CTNNA3: variants seen among roughly 807,000 people sequenced by gnomAD.
CTNNA3 encodes catenin alpha-3.
In CTNNA3, 76 loss-of-function variants were observed where a neutral mutation model predicts 95.7. That is an observed-to-expected ratio of 0.79 (90% CI 0.66 to 0.96). CTNNA3 has a LOEUF of 0.96. Among genes scored for constraint, CTNNA3 ranks in the 40% least tolerant of loss-of-function variants. The pLI, the probability that CTNNA3 is intolerant of heterozygous loss-of-function variation, is 0.00. For missense variants in CTNNA3, 1,191 were observed against 1,089.8 expected, an observed-to-expected ratio of 1.09 and a Z score of -1.31; for synonymous variants, 431 against 374.4, an observed-to-expected ratio of 1.15 and a Z score of -1.74.
At chr10:66,063,304 C>A (rs879719573) in intron 15 of CTNNA3, among the ~76,000 whole-genome samples, 19 of 129,300 alleles carry the variant, frequency 1.5e-4, no homozygotes, top group African/African-American at 4.1e-4. Context: ...AAATCTCTCT[C>A]TCTATATATA....
At chr10:66,777,226 A>G (rs1840337400) in intron 7 of CTNNA3, among the ~76,000 whole-genome samples, 1 of 152,196 alleles carries the variant, frequency 6.6e-6, no homozygotes, top group Non-Finnish European at 1.5e-5. Context: ...CAGGTCTGCT[A>G]AATTCAATAC....
chr10:67,609,235 T>C (rs1201380288), intron 2 of CTNNA3, among the ~76,000 whole-genome samples: 2 of 152,088 alleles, frequency 1.3e-5, no homozygotes, highest in African/African-American at 2.4e-5. Context: ...TTGTATCTAA[T>C]ATTTAAAATA....
At chr10:66,143,726 C>T (rs2083729962) in intron 13 of CTNNA3, among the ~76,000 whole-genome samples, 1 of 152,106 alleles carries the variant, frequency 6.6e-6, no homozygotes, top group African/African-American at 2.4e-5. Context: ...ATTAAACTAC[C>T]AAAGTAATAC....
intron 3 of CTNNA3, among the ~76,000 whole-genome samples, chr10:67,566,039 G>GTATATATATATATATATATATATA (rs1437054675): frequency 5.0e-5 from 1 of 19,890 alleles, no homozygotes; most frequent in Admixed American, 6.5e-4. Context: ...ACATATGTGT[G>GTATATATATATATATATATATATA]TGTGTATATA....
intron 7 of CTNNA3, among the ~76,000 whole-genome samples, chr10:67,059,995 T>C (rs1049024128): frequency 3.9e-5 from 6 of 152,056 alleles, no homozygotes; most frequent in African/African-American, 4.8e-5. Context: ...TAAGAATGGC[T>C]TTTTTAGGTG....
chr10:66,740,474 T>G (rs1849293424), intron 9 of CTNNA3, among the ~76,000 whole-genome samples: 1 of 152,222 alleles, frequency 6.6e-6, no homozygotes, highest in African/African-American at 2.4e-5. Context: ...AAATTATTTT[T>G]CTTTCATGCA....
chr10:67,145,949 G>T lies in CTNNA3; in HGVS notation c.1047+34368C>A, dbSNP rs1415090373. ...TAGGAAAAATGCCACTTCAGAGAAG[G>T]TTTGCTAGGAGAAAAAATTTCTTCC... On this transcript the variant is annotated intron_variant, in intron 7 of 17. Coordinates refer to ENST00000433211, the MANE Select transcript of CTNNA3 (RefSeq NM_013266.4). 2.4e-4 allele frequency among the ~76,000 whole-genome samples: 36 copies of T among 152,080 alleles called. 1 individual carries two copies. The highest frequency in any genetic ancestry group is 7.4e-5 in the Non-Finnish European group (5 of 68,020).
chr10:66,410,124 G>A (rs1255270888), intron 11 of CTNNA3, among the ~76,000 whole-genome samples: 1 of 152,178 alleles, frequency 6.6e-6, no homozygotes, highest in East Asian at 1.9e-4. Flanking sequence ...ATTACAAAAT[G>A]TTGCAGTAAA....
rs564779674 is a variant in CTNNA3 at position 66,479,485 on chromosome 10, T to G, written c.1531+41132A>C. Among the ~76,000 whole-genome samples the G allele has an allele frequency of 7.9e-5, 12 of 152,118 alleles. No individual in the cohort carries two copies. The South Asian group carries it at 1.2e-3, about 16-fold the overall frequency. ...AAAATTCTTTAAATCAATACACAAA[T>G]TTTTGGAAATGTGACATCTTTACAA... is the stretch of plus-strand genomic sequence containing the variant. On this transcript the variant is annotated intron_variant, in intron 11 of 17. Coordinates refer to ENST00000433211, the MANE Select transcript of CTNNA3 (RefSeq NM_013266.4).
chr10:66,169,266 G>A (rs2085295914), intron 13 of CTNNA3, among the ~76,000 whole-genome samples: 1 of 152,110 alleles, frequency 6.6e-6, no homozygotes. Context: ...TTTTGAGTAA[G>A]AACATACAAT....
intron 7 of CTNNA3, among the ~76,000 whole-genome samples, chr10:66,897,544 A>G (rs906916193): frequency 1.3e-5 from 2 of 152,186 alleles, no homozygotes; most frequent in East Asian, 3.8e-4. Context: ...TTATTTTAAA[A>G]GGCAAAAACC....
At chr10:66,006,031 G>A (rs1023987451) in intron 15 of CTNNA3, among the ~76,000 whole-genome samples, 6 of 109,336 alleles carry the variant, frequency 5.5e-5, no homozygotes, top group East Asian at 4.7e-4. Context: ...TTTTTTTTCC[G>A]AGAGGGAGTC....
intron 12 of CTNNA3, among the ~76,000 whole-genome samples, chr10:66,318,371 C>T (rs766307339): frequency 6.7e-6 from 1 of 150,100 alleles, no homozygotes; most frequent in African/African-American, 2.4e-5. Flanking sequence ...CTCTATAATC[C>T]CAGTGGTCAA....
rs745842434 is a variant in CTNNA3, at chr10:67,129,269, G to T, written c.1047+51048C>A. On this transcript the variant is annotated intron_variant, in intron 7 of 17. Transcript: ENST00000433211. ...AATAAGAAACTAACAAGATGTGTTT[G>T]TCATCCCAATTGCCTTGGAACATTA... Among the ~76,000 whole-genome samples, 35 of 152,148 alleles carry T rather than the reference G, an allele frequency of 2.3e-4. 1 individual carries two copies. Among genetic ancestry groups the T allele is most frequent in the Non-Finnish European group, 1.5e-5 (1 of 68,004 alleles).
At chr10:66,693,273 A>T (rs1847627616) in intron 9 of CTNNA3, among the ~76,000 whole-genome samples, 1 of 150,828 alleles carries the variant, frequency 6.6e-6, no homozygotes, top group Non-Finnish European at 1.5e-5. Context: ...AAGATCTATC[A>T]AGCAAATGGA....
intron 11 of CTNNA3, among the ~76,000 whole-genome samples, chr10:66,425,675 GAT>G (rs34309375): frequency 2.0e-4 from 30 of 148,504 alleles, no homozygotes; most frequent in African/African-American, 5.9e-4. Context: ...TTCATATAAA[GAT>G]ATATATATAT....
At chr10:67,727,623 G>T (rs1410657718) in intron 1 of CTNNA3, among the ~76,000 whole-genome samples, 1 of 118,214 alleles carries the variant, frequency 8.5e-6, no homozygotes, top group African/African-American at 3.3e-5. Flanking sequence ...TGCAATATAT[G>T]GTCTATTATA....
intron 7 of CTNNA3, among the ~76,000 whole-genome samples, chr10:67,140,257 C>CA (rs1355170124): frequency 2.0e-5 from 3 of 151,968 alleles, no homozygotes. Context: ...ATTTGTAGGT[C>CA]AATTTTATAA....
intron 3 of CTNNA3, among the ~76,000 whole-genome samples, chr10:67,554,416 C>T (rs1397802397): frequency 6.6e-6 from 1 of 152,162 alleles, no homozygotes; most frequent in African/African-American, 2.4e-5. Flanking sequence ...TCTCCAGCAC[C>T]TGTTGTTTCC....
Sources: gnomAD v4.1 joint callset for allele counts (sites outside exome capture counted in the v4.1 genomes callset) on GRCh38, gnomAD v4.1.1 for gene constraint, MANE v1.5 for transcripts, NCBI Gene and HGNC (gene_info 2026-07-23, HGNC 2026-07-21) for gene names.